Variants in ARSB observed in about 807,000 individuals in gnomAD.
The protein encoded by ARSB is arylsulfatase B, also known as N-acetylgalactosamine-4-sulfatase.
ARSB carries 41 observed loss-of-function variants against 50.9 expected under a neutral mutation model. The ratio of observed to expected loss-of-function variants is 0.81; its 90% CI spans 0.63 to 1.04. The LOEUF is 1.04. ARSB is among the 50% of genes least tolerant of loss of function. The pLI is 0.00. For synonymous variants in ARSB, 269 were observed against 284.8 expected (o/e 0.94, Z 0.56); for missense variants, 672 against 693.3 (o/e 0.97, Z 0.35).
At chr5:78,846,306 C>T (rs1204806851) in intron 5 of ARSB, among the ~76,000 whole-genome samples, 2 of 152,074 alleles carry the variant, frequency 1.3e-5, no homozygotes, top group African/African-American at 4.8e-5. Flanking sequence ...TCTTTTGAAA[C>T]CTGGCAGTGT....
intron 5 of ARSB, among the ~76,000 whole-genome samples, chr5:78,876,770 C>G (rs1250762201): frequency 6.6e-6 from 1 of 152,190 alleles, no homozygotes; most frequent in African/African-American, 2.4e-5. Flanking sequence ...CGGTACCCAT[C>G]TGTGGCCTAT....
intron 5 of ARSB, among the ~76,000 whole-genome samples, chr5:78,846,121 C>T (rs886883577): frequency 1.3e-5 from 2 of 152,078 alleles, no homozygotes; most frequent in African/African-American, 2.4e-5. Flanking sequence ...TTTCCCAGCA[C>T]CATTTATTGA....
intron 5 of ARSB, among the ~76,000 whole-genome samples, chr5:78,845,226 G>A (rs1170496277): frequency 6.6e-6 from 1 of 152,012 alleles, no homozygotes; most frequent in Non-Finnish European, 1.5e-5. Flanking sequence ...TTTGTTTTAT[G>A]GCTAAAGAGT....
chr5:78,818,985 T>C (rs1744109411), intron 6 of ARSB, among the ~76,000 whole-genome samples: 1 of 152,164 alleles, frequency 6.6e-6, no homozygotes, highest in Admixed American at 6.5e-5. Context: ...ATCTTTACAC[T>C]TCCCTGGGGC....
chr5:78,931,845 T>C (rs10042060), intron 4 of ARSB, among the ~76,000 whole-genome samples: 40,883 of 151,872 alleles, frequency 0.27, 6,109 homozygotes, highest in Non-Finnish European at 0.33. Context: ...GGTTCTCCCA[T>C]GCTGTTCACA....
At chr5:78,821,228 C>T (rs573979307) in intron 6 of ARSB, among the ~76,000 whole-genome samples, 20 of 152,260 alleles carry the variant, frequency 1.3e-4, no homozygotes, top group African/African-American at 2.9e-4. Context: ...CTCTGCCTCC[C>T]GGGTTCAAGC....
chr5:78,908,626 T>G (rs1749170554), intron 4 of ARSB, among the ~76,000 whole-genome samples: 1 of 152,064 alleles, frequency 6.6e-6, no homozygotes, highest in Non-Finnish European at 1.5e-5. Context: ...ATGGCTTGAG[T>G]GTCAGGGCCA....
rs778723643 is a variant in ARSB at position 78,969,106 on chromosome 5, T to C, written c.399A>G (p.Leu133=). Residue 133 remains leucine, a synonymous_variant, in exon 2 of 8, where the codon CTA becomes CTG. Coordinates refer to ENST00000264914, the MANE Select transcript of ARSB (RefSeq NM_000046.5). ...TATGGGTAGTATAACCTGCTTCTTT[T>C]AGGAGCTGGGGCAGGAGTTTTTCAT... The part of the protein sequence containing the change: ...PLDEKLLPQL[L]KEAGYTTHMV... 1 of 1,614,162 alleles carries C rather than the reference T, an allele frequency of 6.2e-7. No individual in the cohort carries two copies. Among genetic ancestry groups the C allele is most frequent in the South Asian group, 1.1e-5 (1 of 91,084 alleles).
intron 3 of ARSB, among the ~76,000 whole-genome samples, chr5:78,955,852 A>G (rs537465315): frequency 6.6e-6 from 1 of 152,382 alleles, no homozygotes; most frequent in African/African-American, 2.4e-5. Flanking sequence ...CACATCTGTT[A>G]GGATGGTGAT....
intron 5 of ARSB, among the ~76,000 whole-genome samples, chr5:78,869,317 T>C (rs1746988429): frequency 7.3e-6 from 1 of 136,300 alleles, no homozygotes; most frequent in Non-Finnish European, 1.6e-5. Context: ...GCGGACCTAA[T>C]AGACATCTAC....
At chr5:78,955,612 A>G in intron 3 of ARSB, 110 bp from the exon 4 acceptor site, 5 of 881,384 alleles carry the variant, frequency 5.7e-6, no homozygotes, top group Non-Finnish European at 9.2e-6. Flanking sequence ...AAGACAACCT[A>G]CAGAATGCAT....
At chr5:78,873,498 A>T (rs867627998) in intron 5 of ARSB, among the ~76,000 whole-genome samples, 22 of 93,210 alleles carry the variant, frequency 2.4e-4, no homozygotes, top group South Asian at 4.1e-4. Flanking sequence ...TAAAACTGTA[A>T]TTTTTTTTTT....
Position 78,853,999 on chromosome 5 carries a change from C to T in ARSB, c.1143-14573G>A, listed in dbSNP as rs537029992. Among the ~76,000 whole-genome samples the T allele has an allele frequency of 2.6e-5, 4 of 152,368 alleles. No individual in the cohort carries two copies. The South Asian group carries it at 8.3e-4, about 32-fold the overall frequency. On this transcript the variant is annotated intron_variant, in intron 5 of 7. Transcript: ENST00000264914. ...TGACTAGGAAAGGGAACTCCCTGAC[C>T]CCTTGCACTTCCCGAGTGAGGCAAT...
At chr5:78,901,292 T>C (rs545431354) in intron 4 of ARSB, among the ~76,000 whole-genome samples, 39 of 152,284 alleles carry the variant, frequency 2.6e-4, no homozygotes, top group African/African-American at 9.1e-4. Context: ...TAGGGCATGT[T>C]TGGAGGCAGG....
chr5:78,821,695 A>G (rs550782916), intron 6 of ARSB, among the ~76,000 whole-genome samples: 2 of 152,376 alleles, frequency 1.3e-5, no homozygotes, highest in South Asian at 2.1e-4. Flanking sequence ...CATATCTTCT[A>G]GAATGCTTCT....
intron 6 of ARSB, among the ~76,000 whole-genome samples, chr5:78,803,178 C>T (rs1743457702): frequency 6.6e-6 from 1 of 152,220 alleles, no homozygotes; most frequent in Admixed American, 6.5e-5. Context: ...AGTTTCCTCC[C>T]CAGTGGGACT....
intron 4 of ARSB, among the ~76,000 whole-genome samples, chr5:78,924,003 T>C (rs1250822332): frequency 6.6e-6 from 1 of 152,188 alleles, no homozygotes; most frequent in Non-Finnish European, 1.5e-5. Flanking sequence ...TGGCTGAATA[T>C]GATCCTGCTT....
At chr5:78,808,084 C>A (rs1743641738) in intron 6 of ARSB, among the ~76,000 whole-genome samples, 1 of 90,484 alleles carries the variant, frequency 1.1e-5, no homozygotes, top group African/African-American at 5.5e-5. Flanking sequence ...CAGAGCGAGA[C>A]TCCGTCTCAA....
chr5:78,857,382 T>C (rs28366694), intron 5 of ARSB, among the ~76,000 whole-genome samples: 19,014 of 152,222 alleles, frequency 0.12, 1,469 homozygotes, highest in East Asian at 0.18. Context: ...ATTTTCCTTA[T>C]TTTTTGGTTT....
Sources: allele counts gnomAD v4.1 joint callset (sites outside exome capture counted in the v4.1 genomes callset), GRCh38; gene constraint gnomAD v4.1.1; transcripts MANE v1.5; gene names NCBI Gene and HGNC (gene_info 2026-07-23, HGNC 2026-07-21).